SLC27A1: variants seen among roughly 807,000 people sequenced by gnomAD.
SLC27A1 encodes the protein long-chain fatty acid transport protein 1.
In SLC27A1, 61 loss-of-function variants were observed where a neutral mutation model predicts 62.2. That is an observed-to-expected ratio of 0.98 (90% CI 0.80 to 1.21). SLC27A1 has a LOEUF of 1.21. Ranked by LOEUF, SLC27A1 falls within the 50% of genes most tolerant of loss-of-function variation. The probability of loss-of-function intolerance (pLI) is 0.00; values close to 1 mark genes in which losing one functional copy is unlikely to be tolerated. For synonymous variants in SLC27A1, 435 were observed against 408.6 expected (o/e 1.06, Z -0.78); for missense variants, 903 against 932.1 (o/e 0.97, Z 0.41).
chr19:17,499,330 G>GT (rs2144614289), intron 7 of SLC27A1: 1 of 152,690 alleles, frequency 6.5e-6, no homozygotes, highest in East Asian at 1.9e-4. Flanking sequence ...CTATGGCCCG[G>GT]TTTTTTCTAG....
rs899620505 is a variant in SLC27A1, at chr19:17,504,919, G to C, written c.*307G>C. The C allele has an allele frequency of 2.0e-6, 1 of 502,484 alleles. No individual in the cohort carries two copies. Among genetic ancestry groups the C allele is most frequent in the Admixed American group, 2.3e-5 (1 of 43,106 alleles). The allele number at this position is 502,484 out of a possible 1,614,324, so 31.1% of individuals were successfully genotyped here. On this transcript the variant is annotated 3_prime_UTR_variant, in exon 12 of 12. Transcript: ENST00000252595. ...TTCTTTCTTTTTTTTTTAAGATAGA[G>C]TCTCACTCTGCTGCCCGGGCTAGAG...
intron 6 of SLC27A1, among the ~76,000 whole-genome samples, chr19:17,493,358 G>A (rs1402088140): frequency 6.9e-6 from 1 of 145,984 alleles, no homozygotes; most frequent in Non-Finnish European, 1.5e-5. Context: ...AACCCGGGAA[G>A]TGGAGGTTGC....
intron 1 of SLC27A1, among the ~76,000 whole-genome samples, chr19:17,480,462 C>T (rs1003569908): frequency 6.6e-6 from 1 of 151,614 alleles, no homozygotes; most frequent in African/African-American, 2.4e-5. Context: ...CCCTGACCTC[C>T]TAGGCCCAAG....
intron 11 of SLC27A1, 37 bp from the exon 12 acceptor site, chr19:17,504,418 C>CT: frequency 6.2e-7 from 1 of 1,613,024 alleles, no homozygotes; most frequent in Non-Finnish European, 8.5e-7. Context: ...CAGAAGCCAC[C>CT]TGCTCAGCCC....
At chr19:17,502,035 G>C (rs1410238838) in intron 11 of SLC27A1, among the ~76,000 whole-genome samples, 3 of 151,542 alleles carry the variant, frequency 2.0e-5, no homozygotes, top group Non-Finnish European at 4.4e-5. Context: ...AGAATTGCTT[G>C]AACCTGGGAG....
chr19:17,493,447 A>AAC (rs2075316724), intron 6 of SLC27A1, among the ~76,000 whole-genome samples: 1 of 151,508 alleles, frequency 6.6e-6, no homozygotes, highest in African/African-American at 2.4e-5. Flanking sequence ...AAAAAAAAAA[A>AAC]AACAGGACAG....
chr19:17,499,848 AG>A (rs142919454), intron 7 of SLC27A1: 19,112 of 164,196 alleles, frequency 0.12, 1,271 homozygotes, highest in Non-Finnish European at 0.15. Flanking sequence ...GAACGGAGGA[AG>A]GGGGAAAAGC....
At chr19:17,493,040 G>A (rs1432227642) in intron 6 of SLC27A1, among the ~76,000 whole-genome samples, 7 of 147,534 alleles carry the variant, frequency 4.7e-5, no homozygotes, top group Admixed American at 1.3e-4. Context: ...GGAGAATCCT[G>A]TGAACCCAGG....
intron 6 of SLC27A1, chr19:17,495,424 GGAGTGTGCCA>G (rs1251543580): frequency 5.9e-5 from 9 of 152,136 alleles, no homozygotes; most frequent in African/African-American, 2.2e-4. Context: ...TGGGATTACA[GGAGTGTGCCA>G]CCACGCCCGG....
Position 17,470,684 on chromosome 19 carries a change from C to A in SLC27A1, c.144C>A (p.Cys48Ter). Reference sequence around the variant, plus strand: ...GCTGGCGCTTCCTGCGCATCGTCTGCAAGACCGCGAGGCGAGACCTCTTGT... The same window carrying A: ...GCTGGCGCTTCCTGCGCATCGTCTGAAAGACCGCGAGGCGAGACCTCTTGT... ...SGGWRFLRIV[C>*]KTARRDLFGL... The change falls in exon 1 of 12, where the codon TGC (cysteine) becomes TGA (stop). Residue 48 changes from cysteine (C) to a stop codon, truncating the protein, a stop_gained. Transcript: ENST00000252595. LOFTEE classifies it high-confidence loss of function. 1.3e-6 allele frequency: 2 copies of A among 1,582,210 alleles called. No homozygotes were observed. Among genetic ancestry groups the A allele is most frequent in the Non-Finnish European group, 1.7e-6 (2 of 1,170,446 alleles).
rs931239387 is a variant in SLC27A1 at position 17,505,294 on chromosome 19, C to G, written c.*682C>G. ...TGCTTTTGGGGACTGCAGGAATCAT[C>G]TCCCCTGGGCCCTGGACTCGGACTG... On this transcript the variant is annotated 3_prime_UTR_variant, in exon 12 of 12. Coordinates refer to ENST00000252595, the MANE Select transcript of SLC27A1 (RefSeq NM_198580.3). The G allele has an allele frequency of 5.4e-6, 1 of 184,254 alleles. No homozygotes were observed. The highest frequency in any genetic ancestry group is 1.2e-5 in the Non-Finnish European group (1 of 86,426). 11.4% of individuals were successfully genotyped at this position (184,254 alleles called of 1,614,324 possible). A position where few individuals can be genotyped will look rare whatever the true frequency, so the allele number is the denominator to read the frequency against.
chr19:17,496,338 G>C (rs984656243), intron 6 of SLC27A1: 2 of 152,106 alleles, frequency 1.3e-5, no homozygotes, highest in Non-Finnish European at 2.9e-5. Flanking sequence ...CTGGAGATGA[G>C]AACTCTTAAA....
Position 17,486,363 on chromosome 19 carries a change from G to C in SLC27A1, c.168-200G>C, listed in dbSNP as rs2075229169. Among the ~76,000 whole-genome samples the C allele has an allele frequency of 6.6e-6, 1 of 152,206 alleles. No homozygotes were observed. The highest frequency in any genetic ancestry group is 1.5e-5 in the Non-Finnish European group (1 of 68,012). On this transcript the variant is annotated intron_variant, in intron 1 of 11. Coordinates refer to ENST00000252595, the MANE Select transcript of SLC27A1 (RefSeq NM_198580.3). This position sits in a 1 kb window ranked among gnomAD's most constrained non-coding sequence, Gnocchi z 6.6. ...CAGGGTGACTGGTTTATTACGCTTT[G>C]AGAATCTACCTTCTTCCTGGCTGGT...
At chr19:17,473,764 A>T (rs187782867) in intron 1 of SLC27A1, among the ~76,000 whole-genome samples, 1 of 152,120 alleles carries the variant, frequency 6.6e-6, no homozygotes, top group Non-Finnish European at 1.5e-5. Context: ...TGGGAGTCTG[A>T]GGCAAGACAA....
chr19:17,479,009 A>T (rs1316099435), intron 1 of SLC27A1, among the ~76,000 whole-genome samples: 4 of 152,140 alleles, frequency 2.6e-5, no homozygotes, highest in Non-Finnish European at 5.9e-5. Flanking sequence ...AGGCAGGAGG[A>T]TCACTTGAGC....
chr19:17,499,943 G>A lies in SLC27A1; in HGVS notation c.1207-335G>A, dbSNP rs192463989. ...TTCATAGAACCATGCCAAGCAGGGC[G>A]GCGGGCAGCAGGTGAAGCTCTGCAG... On this transcript the variant is annotated intron_variant, in intron 7 of 11. Transcript: ENST00000252595. 4.2e-4 allele frequency: 125 copies of A among 294,504 alleles called. 1 individual carries two copies. Among genetic ancestry groups the A allele is most frequent in the African/African-American group, 2.6e-3 (121 of 46,398 alleles). The allele number at this position is 294,504 out of a possible 1,614,324, so 18.2% of individuals were successfully genotyped here. A position where few individuals can be genotyped will look rare whatever the true frequency, so the allele number is the denominator to read the frequency against.
chr19:17,472,448 G>A (rs998902971), intron 1 of SLC27A1, among the ~76,000 whole-genome samples: 4 of 151,360 alleles, frequency 2.6e-5, no homozygotes, highest in African/African-American at 7.3e-5. Flanking sequence ...TGAGCATTGC[G>A]CACGAGGTCC....
intron 1 of SLC27A1, among the ~76,000 whole-genome samples, chr19:17,475,418 C>A (rs541221870): frequency 2.0e-5 from 3 of 152,170 alleles, no homozygotes; most frequent in African/African-American, 7.2e-5. Context: ...CTCCTGTGGT[C>A]CCAGCTACTC....
chr19:17,489,170 C>T (rs1426173151), intron 6 of SLC27A1, 53 bp downstream of exon 6: 1 of 1,485,064 alleles, frequency 6.7e-7, no homozygotes, highest in Non-Finnish European at 9.3e-7. Context: ...CCAGGCCTCA[C>T]CCCCTCCCAA....
Sources: gnomAD v4.1 joint callset for allele counts (sites outside exome capture counted in the v4.1 genomes callset) on GRCh38, gnomAD v4.1.1 for gene constraint, Gnocchi (gnomAD v3.1) non-coding constraint, MANE v1.5 for transcripts, NCBI Gene and HGNC (gene_info 2026-07-23, HGNC 2026-07-21) for gene names.